NOX3: variants seen among roughly 807,000 people sequenced by gnomAD.
The protein encoded by NOX3 is NADPH oxidase 3.
A neutral mutation model predicts 76.7 loss-of-function variants in NOX3; 74 were observed. The ratio of observed to expected loss-of-function variants is 0.96; its 90% CI spans 0.80 to 1.17. The LOEUF is 1.17. Among genes scored for constraint, NOX3 ranks in the 50% most tolerant of loss-of-function variants. The probability of loss-of-function intolerance (pLI) is 0.00; values close to 1 mark genes in which losing one functional copy is unlikely to be tolerated. For missense variants in NOX3, 695 were observed against 703.3 expected (o/e 0.99, Z 0.13); for synonymous variants, 263 against 261.1 (o/e 1.01, Z -0.07).
chr6:155,454,456 A>G lies in NOX3; in HGVS notation c.255+355T>C, dbSNP rs564239259. ...ATTATGCTTTTGTGGGTGAGAACCC[A>G]GAGAGATGTTTCCTGGTGGCGTTTG... On this transcript the variant is annotated intron_variant, in intron 3 of 13. Coordinates refer to ENST00000159060, the MANE Select transcript of NOX3 (RefSeq NM_015718.3). 9.2e-5 allele frequency among the ~76,000 whole-genome samples: 14 copies of G among 152,388 alleles called. No homozygotes were observed. The East Asian group carries it at 2.7e-3, about 29-fold the overall frequency.
intron 10 of NOX3, among the ~76,000 whole-genome samples, chr6:155,420,770 A>G (rs780650755): frequency 1.3e-5 from 2 of 152,218 alleles, no homozygotes; most frequent in Non-Finnish European, 2.9e-5. Context: ...TAAAATGCCC[A>G]GTTTCCTTCC....
chr6:155,441,959 T>C (rs1169603396), intron 5 of NOX3, among the ~76,000 whole-genome samples: 1 of 152,210 alleles, frequency 6.6e-6, no homozygotes, highest in Non-Finnish European at 1.5e-5. Context: ...TTCCAATAGC[T>C]GTCAGCTAAG....
chr6:155,421,785 G>T (rs1007656533), intron 10 of NOX3, among the ~76,000 whole-genome samples: 1 of 152,168 alleles, frequency 6.6e-6, no homozygotes, highest in African/African-American at 2.4e-5. Flanking sequence ...ATGAGCTACT[G>T]CGCCCCACCC....
chr6:155,407,098 C>T (rs12524299), intron 12 of NOX3, 32 bp downstream of exon 12: 244,776 of 1,612,038 alleles, frequency 0.15, 19,919 homozygotes, highest in Admixed American at 0.22. Context: ...AGAGAAGAGC[C>T]TGGCAGGGAG....
chr6:155,429,107 C>A, intron 8 of NOX3, 60 bp from the exon 9 acceptor site: 1 of 1,431,250 alleles, frequency 7.0e-7, no homozygotes, highest in Non-Finnish European at 9.3e-7. Context: ...AAACACCTTT[C>A]ATTCCATCAA....
intron 4 of NOX3, among the ~76,000 whole-genome samples, chr6:155,449,726 C>T (rs555493992): frequency 1.3e-5 from 2 of 152,250 alleles, no homozygotes; most frequent in South Asian, 2.1e-4. Flanking sequence ...TACAGGGGAA[C>T]GGATGAGAAA....
intron 8 of NOX3, among the ~76,000 whole-genome samples, chr6:155,429,470 A>C (rs930930275): frequency 1.3e-5 from 2 of 152,354 alleles, no homozygotes; most frequent in Middle Eastern, 3.4e-3. Context: ...AATGATCTGC[A>C]TCTTTTCTCA....
intron 5 of NOX3, 38 bp downstream of exon 5, chr6:155,443,235 T>G: frequency 6.3e-7 from 1 of 1,587,742 alleles, no homozygotes; most frequent in South Asian, 1.1e-5. Context: ...AAGGACGGAT[T>G]TTTCAGGGGA....
chr6:155,445,632 A>G (rs1336247823), intron 4 of NOX3, among the ~76,000 whole-genome samples: 1 of 152,074 alleles, frequency 6.6e-6, no homozygotes, highest in Non-Finnish European at 1.5e-5. Context: ...TAGTATGACC[A>G]TAGCATTTCT....
intron 4 of NOX3, among the ~76,000 whole-genome samples, chr6:155,447,345 T>C (rs1777077914): frequency 6.6e-6 from 1 of 152,252 alleles, no homozygotes; most frequent in Non-Finnish European, 1.5e-5. Flanking sequence ...CTTTATATTT[T>C]ATAACGTTCT....
intron 4 of NOX3, among the ~76,000 whole-genome samples, chr6:155,450,411 C>T (rs539861590): frequency 3.7e-4 from 57 of 152,334 alleles, no homozygotes; most frequent in African/African-American, 1.3e-3. Context: ...CATATGTGTC[C>T]TGTACCATTC....
chr6:155,417,251 G>A (rs1776632756), intron 10 of NOX3, among the ~76,000 whole-genome samples: 1 of 152,172 alleles, frequency 6.6e-6, no homozygotes, highest in Admixed American at 6.5e-5. Context: ...ATGCATGAAT[G>A]TGTATAGGTA....
intron 4 of NOX3, among the ~76,000 whole-genome samples, chr6:155,445,957 C>CTATATATATAATATATACATGCTATA (rs1562472078): frequency 1.3e-4 from 16 of 126,120 alleles, no homozygotes; most frequent in African/African-American, 5.0e-4. Context: ...TATATATATG[C>CTATATATATAATATATACATGCTATA]TATATATATA....
chr6:155,405,146 C>T (rs1370069597), intron 12 of NOX3, among the ~76,000 whole-genome samples: 6 of 152,068 alleles, frequency 3.9e-5, no homozygotes, highest in African/African-American at 9.7e-5. Flanking sequence ...AGGAAGCCCA[C>T]GAGGCAGAAA....
At chr6:155,452,298 G>A (rs984227380) in intron 4 of NOX3, among the ~76,000 whole-genome samples, 5 of 152,026 alleles carry the variant, frequency 3.3e-5, no homozygotes, top group African/African-American at 7.2e-5. Context: ...TCATGCATTC[G>A]CTCATTCATG....
intron 10 of NOX3, among the ~76,000 whole-genome samples, chr6:155,411,866 G>A (rs542087488): frequency 6.6e-6 from 1 of 152,270 alleles, no homozygotes; most frequent in Admixed American, 6.5e-5. Flanking sequence ...AGTCACACAG[G>A]CCAGAAATTT....
Position 155,429,025 on chromosome 6 carries a change from A to C in NOX3, c.914T>G (p.Val305Gly). 1 of 1,602,824 alleles carries C rather than the reference A, an allele frequency of 6.2e-7. No homozygotes were observed. The highest frequency in any genetic ancestry group is 8.5e-7 in the Non-Finnish European group (1 of 1,172,394). ...ITKVVSHPSG[V>G]LELHMKKRGF... is the part of the protein sequence containing the mutation. ...ACGCTTTTTCATGTGAAGTTCCAGG[A>C]CTCCAGAGGGGTGGCTTACCACCTA... is the stretch of plus-strand genomic sequence containing the variant. Residue 305 changes from valine (V) to glycine (G), a missense_variant, in exon 9 of 14, where the codon GTC becomes GGC. Val to Gly is a moderately radical substitution (Grantham distance 109). Transcript: ENST00000159060.
At chr6:155,395,656 C>A (rs1373373476) in intron 13 of NOX3, 82 bp from the exon 14 acceptor site, 1 of 152,040 alleles carries the variant, frequency 6.6e-6, no homozygotes, top group Non-Finnish European at 1.5e-5. Context: ...TGGGGCTAAA[C>A]TTCAAAACAA....
chr6:155,438,113 G>A (rs1275744414), intron 6 of NOX3, among the ~76,000 whole-genome samples: 1 of 151,942 alleles, frequency 6.6e-6, no homozygotes, highest in Non-Finnish European at 1.5e-5. Flanking sequence ...GTTTAGGGGG[G>A]TAAGCACATC....
Sources: allele counts gnomAD v4.1 joint callset (sites outside exome capture counted in the v4.1 genomes callset), GRCh38; gene constraint gnomAD v4.1.1; transcripts MANE v1.5; gene names NCBI Gene and HGNC (gene_info 2026-07-23, HGNC 2026-07-21).